RBFOX1: variants seen among roughly 807,000 people sequenced by gnomAD.
The protein encoded by RBFOX1 is RNA binding fox-1 homolog 1.
Under a neutral mutation model 57.7 loss-of-function variants are expected in RBFOX1, and 8 were observed. That is an observed-to-expected ratio of 0.14 (90% CI 0.08 to 0.25). The LOEUF (loss-of-function observed/expected upper bound fraction) is 0.25, where lower values mean the gene tolerates loss of function less well. Ranked by LOEUF, RBFOX1 falls within the 10% of genes least tolerant of loss-of-function variation. The pLI is 1.00. For synonymous variants in RBFOX1, 326 were observed against 222.4 expected (o/e 1.47, Z -4.15); for missense variants, 611 against 548.5 (o/e 1.11, Z -1.14).
intron 2 of RBFOX1, among the ~76,000 whole-genome samples, chr16:5,572,165 T>A (rs972000903): frequency 1.3e-5 from 2 of 152,190 alleles, no homozygotes; most frequent in Admixed American, 1.3e-4. Flanking sequence ...CGTGGAGCCA[T>A]AGAAGCCCTT....
intron 1 of RBFOX1, among the ~76,000 whole-genome samples, chr16:6,278,038 T>G (rs1347366667): frequency 1.3e-5 from 2 of 152,104 alleles, no homozygotes; most frequent in African/African-American, 4.8e-5. Flanking sequence ...TTCCCTTACT[T>G]TGTAAGTGGG....
At chr16:6,657,279 G>T (rs536568113) in intron 3 of RBFOX1, among the ~76,000 whole-genome samples, 2 of 151,208 alleles carry the variant, frequency 1.3e-5, no homozygotes, top group African/African-American at 2.4e-5. Context: ...TTATACTCAC[G>T]CTATAGTTTC....
intron 4 of RBFOX1, among the ~76,000 whole-genome samples, chr16:7,487,717 A>G (rs992776666): frequency 6.6e-6 from 1 of 152,180 alleles, no homozygotes; most frequent in Admixed American, 6.5e-5. Context: ...CTCCATGCAG[A>G]CACATTCTCT....
chr16:5,510,820 C>T (rs117054958), intron 2 of RBFOX1, among the ~76,000 whole-genome samples: 1,656 of 152,172 alleles, frequency 0.011, 12 homozygotes, highest in Non-Finnish European at 0.018. Context: ...GAGCAGCCTC[C>T]CAGCCCTCCA....
At chr16:6,356,061 G>A (rs552918899) in intron 2 of RBFOX1, among the ~76,000 whole-genome samples, 2 of 152,322 alleles carry the variant, frequency 1.3e-5, no homozygotes, top group South Asian at 4.1e-4. Flanking sequence ...AGTCAATAGT[G>A]ATAGAAATAA....
At chr16:6,520,813 A>G (rs969853637) in intron 2 of RBFOX1, among the ~76,000 whole-genome samples, 23 of 152,286 alleles carry the variant, frequency 1.5e-4, no homozygotes, top group Admixed American at 1.4e-3. Flanking sequence ...CAAAGCAGGT[A>G]TAAGGAGGCA....
At chr16:7,164,921 T>C (rs781727368) in intron 4 of RBFOX1, among the ~76,000 whole-genome samples, 1 of 152,222 alleles carries the variant, frequency 6.6e-6, no homozygotes, top group Non-Finnish European at 1.5e-5. Flanking sequence ...AATTAATGCT[T>C]TGAATCATCA....
chr16:7,257,678 G>A (rs996853118), intron 4 of RBFOX1, among the ~76,000 whole-genome samples: 1 of 152,174 alleles, frequency 6.6e-6, no homozygotes, highest in African/African-American at 2.4e-5. Context: ...CTTGGGTCCA[G>A]TGTTTATTTC....
At chr16:6,903,002 T>C (rs1364994661) in intron 3 of RBFOX1, among the ~76,000 whole-genome samples, 1 of 152,164 alleles carries the variant, frequency 6.6e-6, no homozygotes, top group African/African-American at 2.4e-5. Flanking sequence ...GTCACCATGA[T>C]TGATGTGTAA....
chr16:6,998,733 T>TA (rs1388837497), intron 3 of RBFOX1, among the ~76,000 whole-genome samples: 2 of 152,146 alleles, frequency 1.3e-5, no homozygotes, highest in Admixed American at 1.3e-4. Context: ...ACAGAAAACT[T>TA]AATATATCAG....
At chr16:6,647,660 A>T (rs75268971) in intron 2 of RBFOX1, among the ~76,000 whole-genome samples, 2,909 of 152,086 alleles carry the variant, frequency 0.019, 89 homozygotes, top group African/African-American at 0.06. Context: ...TTTAGGGGGG[A>T]CACATACATT....
At chr16:5,410,509 A>G (rs1447450364) in intron 1 of RBFOX1, among the ~76,000 whole-genome samples, 1 of 152,252 alleles carries the variant, frequency 6.6e-6, no homozygotes, top group Non-Finnish European at 1.5e-5. Flanking sequence ...CTAATGAAAT[A>G]TACCTTGTAA....
chr16:6,828,630 A>T (rs1020199001), intron 3 of RBFOX1, among the ~76,000 whole-genome samples: 5 of 152,078 alleles, frequency 3.3e-5, no homozygotes, highest in Admixed American at 1.3e-4. Flanking sequence ...AGTGGACCCA[A>T]CATGGTGCTG....
intron 5 of RBFOX1, among the ~76,000 whole-genome samples, chr16:7,541,993 C>T (rs931476775): frequency 1.3e-5 from 2 of 152,144 alleles, no homozygotes; most frequent in African/African-American, 4.8e-5. Context: ...ATGGCCTTGG[C>T]CGGCAGCTGA....
intron 3 of RBFOX1, among the ~76,000 whole-genome samples, chr16:7,044,764 T>C (rs545361188): frequency 6.6e-6 from 1 of 152,346 alleles, no homozygotes; most frequent in South Asian, 2.1e-4. Context: ...ACATTTAAGA[T>C]ATTTTTCAAG....
intron 4 of RBFOX1, among the ~76,000 whole-genome samples, chr16:7,311,482 T>TTC (rs1468106047): frequency 6.7e-6 from 1 of 149,416 alleles, no homozygotes; most frequent in African/African-American, 2.5e-5. Flanking sequence ...CCTTTTCTTT[T>TTC]TTTTTTTTTT....
At chr16:7,535,958 G>C (rs1363866111) in intron 5 of RBFOX1, among the ~76,000 whole-genome samples, 2 of 152,302 alleles carry the variant, frequency 1.3e-5, no homozygotes, top group Admixed American at 6.5e-5. Context: ...CTGGGCCTTG[G>C]AGATACAAGA....
intron 3 of RBFOX1, among the ~76,000 whole-genome samples, chr16:5,776,990 G>C (rs913228508): frequency 2.6e-5 from 4 of 152,198 alleles, no homozygotes; most frequent in Admixed American, 6.5e-5. Context: ...AAGTAGCCAA[G>C]TGCAGTTATG....
chr16:7,236,388 A>C (rs1461931855), intron 4 of RBFOX1, among the ~76,000 whole-genome samples: 2 of 152,088 alleles, frequency 1.3e-5, no homozygotes, highest in Non-Finnish European at 2.9e-5. Context: ...AGAGGGGCGT[A>C]CCCTCTTTTA....
Sources: gnomAD v4.1 joint callset for allele counts (sites outside exome capture counted in the v4.1 genomes callset) on GRCh38, gnomAD v4.1.1 for gene constraint, MANE v1.5 for transcripts, NCBI Gene and HGNC (gene_info 2026-07-23, HGNC 2026-07-21) for gene names.